NEDD4L: variants seen among roughly 807,000 people sequenced by gnomAD.
The protein encoded by NEDD4L is E3 ubiquitin-protein ligase NEDD4-like.
A neutral mutation model predicts 148.9 loss-of-function variants in NEDD4L; 54 were observed. That is an observed-to-expected ratio of 0.36 (90% CI 0.29 to 0.45). The LOEUF (loss-of-function observed/expected upper bound fraction) is 0.45. Among genes scored for constraint, NEDD4L ranks in the 20% least tolerant of loss-of-function variants. The probability of loss-of-function intolerance (pLI) is 1.00; values close to 1 mark genes in which losing one functional copy is unlikely to be tolerated. For missense variants in NEDD4L, 856 were observed against 1,233.8 expected (o/e 0.69, Z 4.59); for synonymous variants, 433 against 440.7 (o/e 0.98, Z 0.22).
At chr18:58,233,918 C>G (rs193103398) in intron 2 of NEDD4L, among the ~76,000 whole-genome samples, 1 of 149,564 alleles carries the variant, frequency 6.7e-6, no homozygotes, top group Non-Finnish European at 1.5e-5. Flanking sequence ...ACAATCTTCT[C>G]GTTGTATCTT....
At chr18:58,346,941 C>T (rs1209252891) in intron 16 of NEDD4L, among the ~76,000 whole-genome samples, 5 of 151,946 alleles carry the variant, frequency 3.3e-5, no homozygotes, top group East Asian at 3.9e-4. Context: ...TTGAGTGGCT[C>T]GGTGGGAGTC....
chr18:58,211,173 C>T (rs1433049359), intron 2 of NEDD4L, among the ~76,000 whole-genome samples: 2 of 152,130 alleles, frequency 1.3e-5, no homozygotes, highest in African/African-American at 4.8e-5. Flanking sequence ...ACACTAAAGC[C>T]ATTCAATTAA....
intron 2 of NEDD4L, among the ~76,000 whole-genome samples, chr18:58,230,077 G>T (rs1380802151): frequency 6.6e-6 from 1 of 152,220 alleles, no homozygotes; most frequent in South Asian, 2.1e-4. Flanking sequence ...GAAAAATGAC[G>T]CTAAGAATGT....
At chr18:58,299,695 C>T (rs1324523579) in intron 5 of NEDD4L, among the ~76,000 whole-genome samples, 1 of 152,104 alleles carries the variant, frequency 6.6e-6, no homozygotes, top group Non-Finnish European at 1.5e-5. Flanking sequence ...CAGTCTCCTC[C>T]CCAGTCCTGG....
chr18:58,044,756 C>A (rs1369748825), intron 1 of NEDD4L, 48 bp downstream of exon 1: 1 of 1,588,812 alleles, frequency 6.3e-7, no homozygotes, highest in Non-Finnish European at 8.6e-7. Context: ...GAGTTCCTAT[C>A]CCGCGCCGGC....
chr18:58,350,929 T>A, intron 17 of NEDD4L, 62 bp from the exon 18 acceptor site: 1 of 1,348,616 alleles, frequency 7.4e-7, no homozygotes, highest in South Asian at 1.3e-5. Flanking sequence ...ATGTTGCCTT[T>A]GATTTCAGAA....
chr18:58,070,982 A>G (rs1376822661), intron 1 of NEDD4L, among the ~76,000 whole-genome samples: 1 of 152,186 alleles, frequency 6.6e-6, no homozygotes, highest in African/African-American at 2.4e-5. Context: ...AGTCTTTGAC[A>G]AAAATTAGAA....
intron 2 of NEDD4L, among the ~76,000 whole-genome samples, chr18:58,194,804 T>G: frequency 6.6e-6 from 1 of 152,352 alleles, no homozygotes; most frequent in East Asian, 1.9e-4. Context: ...CTGGTTGATT[T>G]CGGATAATAC....
At position 58,399,358 on chromosome 18, in the gene NEDD4L, G is replaced by A. The variant is rs539469987; in HGVS notation, c.*3089G>A. On this transcript the variant is annotated 3_prime_UTR_variant, in exon 31 of 31. Coordinates refer to ENST00000400345, the MANE Select transcript of NEDD4L (RefSeq NM_001144967.3). ...CCTCTAACAAATCTCAAGAACAAAG[G>A]TAAGACACTTGGTTTTTGTTTCCAG... 6.6e-6 allele frequency: 1 copy of A among 152,352 alleles called. No homozygotes were observed. The highest frequency in any genetic ancestry group is 1.9e-4 in the East Asian group (1 of 5,188). 9.4% of individuals were successfully genotyped at this position (152,352 alleles called of 1,614,324 possible). A position where few individuals can be genotyped will look rare whatever the true frequency, so the allele number is the denominator to read the frequency against.
At chr18:58,289,272 C>T (rs907935810) in intron 5 of NEDD4L, among the ~76,000 whole-genome samples, 36 of 152,042 alleles carry the variant, frequency 2.4e-4, no homozygotes, top group Admixed American at 1.6e-3. Flanking sequence ...CTTTTTGTTG[C>T]GTGAGAGGGG....
At chr18:58,252,087 AT>A in intron 5 of NEDD4L, 33 bp downstream of exon 5, 9 of 1,408,242 alleles carry the variant, frequency 6.4e-6, no homozygotes, top group South Asian at 1.2e-5. Flanking sequence ...ATTTTGCTTC[AT>A]TTTTTTATTA....
chr18:58,355,792 G>C (rs2145775750), intron 18 of NEDD4L, among the ~76,000 whole-genome samples: 3 of 144,856 alleles, frequency 2.1e-5, no homozygotes, highest in South Asian at 2.2e-4. Flanking sequence ...ATCATCACTT[G>C]CTTTGGTAGC....
chr18:58,284,870 G>T (rs1400570427), intron 5 of NEDD4L, among the ~76,000 whole-genome samples: 1 of 152,152 alleles, frequency 6.6e-6, no homozygotes, highest in Non-Finnish European at 1.5e-5. Context: ...CGTGTGGCTG[G>T]GACTGCTGTG....
At chr18:58,246,796 G>A (rs1013179853) in intron 3 of NEDD4L, among the ~76,000 whole-genome samples, 7 of 152,056 alleles carry the variant, frequency 4.6e-5, no homozygotes, top group African/African-American at 1.4e-4. Context: ...CTATCTCCAT[G>A]TATTTATAGA....
chr18:58,164,362 T>C (rs2146586981), intron 1 of NEDD4L, among the ~76,000 whole-genome samples: 1 of 152,284 alleles, frequency 6.6e-6, no homozygotes, highest in Non-Finnish European at 1.5e-5. Flanking sequence ...CAAAAGAAAT[T>C]AGAAAAAAAT....
chr18:58,182,071 A>AT (rs1280891241), intron 2 of NEDD4L, among the ~76,000 whole-genome samples: 1 of 152,100 alleles, frequency 6.6e-6, no homozygotes, highest in Non-Finnish European at 1.5e-5. Context: ...AGGTTGGGTG[A>AT]TTTTCTCTCT....
At chr18:58,233,007 A>G (rs1223404629) in intron 2 of NEDD4L, among the ~76,000 whole-genome samples, 1 of 152,240 alleles carries the variant, frequency 6.6e-6, no homozygotes, top group African/African-American at 2.4e-5. Flanking sequence ...AAGTCCAAAA[A>G]GCCCTGAAAA....
At chr18:58,106,231 A>G (rs540246013) in intron 1 of NEDD4L, among the ~76,000 whole-genome samples, 1 of 152,354 alleles carries the variant, frequency 6.6e-6, no homozygotes, top group Non-Finnish European at 1.5e-5. Flanking sequence ...TGTGTCCAGA[A>G]CTGTGGATGG....
intron 2 of NEDD4L, among the ~76,000 whole-genome samples, chr18:58,234,093 C>CT (rs1161548943): frequency 0.012 from 1,192 of 101,664 alleles, 24 homozygotes; most frequent in African/African-American, 0.047. Context: ...TTCTTTCTTT[C>CT]TTTCTTTCTT....
Sources: allele counts gnomAD v4.1 joint callset (sites outside exome capture counted in the v4.1 genomes callset), GRCh38; gene constraint gnomAD v4.1.1; transcripts MANE v1.5; gene names NCBI Gene and HGNC (gene_info 2026-07-23, HGNC 2026-07-21).